PTPRG: variants seen among roughly 807,000 people sequenced by gnomAD.
The protein encoded by PTPRG is protein tyrosine phosphatase receptor type G.
Under a neutral mutation model 165.3 loss-of-function variants are expected in PTPRG, and 102 were observed. That is an observed-to-expected ratio of 0.62 (90% CI 0.53 to 0.73). The LOEUF is 0.73. Among genes scored for constraint, PTPRG ranks in the 30% least tolerant of loss-of-function variants. The pLI, the probability that PTPRG is intolerant of heterozygous loss-of-function variation, is 0.00. For missense variants in PTPRG, 1,866 were observed against 1,861.4 expected, an observed-to-expected ratio of 1.00 and a Z score of -0.05; for synonymous variants, 675 against 669.5, an observed-to-expected ratio of 1.01 and a Z score of -0.13.
chr3:61,693,354 C>T (rs1025641078), intron 1 of PTPRG, among the ~76,000 whole-genome samples: 1 of 152,136 alleles, frequency 6.6e-6, no homozygotes, highest in Non-Finnish European at 1.5e-5. Context: ...ATGAGGTGTC[C>T]GTGAACTTGG....
chr3:61,572,269 A>C (rs1269879081), intron 1 of PTPRG, among the ~76,000 whole-genome samples: 2 of 152,176 alleles, frequency 1.3e-5, no homozygotes, highest in Non-Finnish European at 2.9e-5. Context: ...TTAAACATGA[A>C]ACCTTATTTC....
In PTPRG at chr3:62,296,009, C is replaced by T. The variant is rs1703048221; in HGVS notation, c.*2702C>T. The T allele has an allele frequency of 6.6e-6, 1 of 151,952 alleles. No homozygotes were observed. The highest frequency in any genetic ancestry group is 2.4e-5 in the African/African-American group (1 of 41,394). 9.4% of individuals were successfully genotyped at this position (151,952 alleles called of 1,614,324 possible). On this transcript the variant is annotated 3_prime_UTR_variant, in exon 30 of 30. Transcript: ENST00000474889. ...AATGTGTGCAACTTAATAAAATAAG[C>T]TGTTTGTGTATATGAATTTAGCTCT...
chr3:62,260,196 C>G (rs1254971537), intron 16 of PTPRG, among the ~76,000 whole-genome samples: 1 of 152,140 alleles, frequency 6.6e-6, no homozygotes, highest in African/African-American at 2.4e-5. Context: ...TTGTAGGCTG[C>G]CTGAACTCAG....
intron 2 of PTPRG, among the ~76,000 whole-genome samples, chr3:61,824,747 T>G (rs1657870833): frequency 6.6e-6 from 1 of 152,166 alleles, no homozygotes; most frequent in Non-Finnish European, 1.5e-5. Context: ...GCTGTGACCT[T>G]GCCATTGTAC....
At chr3:62,184,011 A>G in intron 8 of PTPRG, among the ~76,000 whole-genome samples, 1 of 152,212 alleles carries the variant, frequency 6.6e-6, no homozygotes, top group East Asian at 1.9e-4. Flanking sequence ...ACTCTGGTTC[A>G]GACTCAGGCA....
chr3:61,857,561 A>G (rs887033806), intron 2 of PTPRG, among the ~76,000 whole-genome samples: 11 of 152,144 alleles, frequency 7.2e-5, no homozygotes, highest in African/African-American at 2.7e-4. Context: ...TGACTCGATA[A>G]TTATTTTATT....
intron 2 of PTPRG, among the ~76,000 whole-genome samples, chr3:61,957,910 C>T (rs2040069778): frequency 6.6e-6 from 1 of 152,176 alleles, no homozygotes; most frequent in Non-Finnish European, 1.5e-5. Context: ...AAGCAGATGT[C>T]TGTATCCACT....
intron 1 of PTPRG, among the ~76,000 whole-genome samples, chr3:61,717,918 C>T (rs1341383214): frequency 6.6e-6 from 1 of 151,988 alleles, no homozygotes; most frequent in African/African-American, 2.4e-5. Flanking sequence ...TGGTGGCTCA[C>T]ACCTATAATC....
intron 1 of PTPRG, among the ~76,000 whole-genome samples, chr3:61,701,556 G>T (rs939606443): frequency 6.6e-6 from 1 of 152,186 alleles, no homozygotes; most frequent in Non-Finnish European, 1.5e-5. Flanking sequence ...ATGAAAAGAA[G>T]TGAGTGCAGA....
intron 1 of PTPRG, among the ~76,000 whole-genome samples, chr3:61,653,987 A>C (rs914269082): frequency 6.6e-6 from 1 of 152,084 alleles, no homozygotes; most frequent in African/African-American, 2.4e-5. Flanking sequence ...TTTTTCATGG[A>C]TGGCTCCAGG....
At chr3:62,081,062 C>T (rs1701555407) in intron 5 of PTPRG, among the ~76,000 whole-genome samples, 1 of 151,628 alleles carries the variant, frequency 6.6e-6, no homozygotes, top group Non-Finnish European at 1.5e-5. Context: ...TCGAGACCAT[C>T]CTGGCTAACA....
chr3:62,123,168 C>G (rs9883873), intron 5 of PTPRG, among the ~76,000 whole-genome samples: 3 of 152,088 alleles, frequency 2.0e-5, no homozygotes, highest in Non-Finnish European at 2.9e-5. Flanking sequence ...TGATCTCATC[C>G]GAAAGTTCAA....
chr3:61,825,217 C>G (rs1333332865), intron 2 of PTPRG, among the ~76,000 whole-genome samples: 1 of 152,188 alleles, frequency 6.6e-6, no homozygotes, highest in Admixed American at 6.5e-5. Flanking sequence ...ATTCATGTGT[C>G]TCAACACTTT....
At chr3:61,814,837 T>G (rs2035706152) in intron 2 of PTPRG, among the ~76,000 whole-genome samples, 2 of 151,648 alleles carry the variant, frequency 1.3e-5, no homozygotes, top group African/African-American at 4.8e-5. Context: ...AGCATATTGT[T>G]AAGTGATTTG....
intron 2 of PTPRG, among the ~76,000 whole-genome samples, chr3:61,907,221 C>G (rs184443436): frequency 6.6e-6 from 1 of 152,050 alleles, no homozygotes; most frequent in African/African-American, 2.4e-5. Flanking sequence ...TTCTTAATGC[C>G]TGGTTTATAC....
At chr3:61,976,683 A>C (rs528005674) in intron 2 of PTPRG, among the ~76,000 whole-genome samples, 2 of 151,264 alleles carry the variant, frequency 1.3e-5, no homozygotes, top group East Asian at 3.9e-4. Flanking sequence ...TTTTTAAAAA[A>C]TTTTTTTTTG....
At chr3:61,599,536 A>G (rs1700790456) in intron 1 of PTPRG, among the ~76,000 whole-genome samples, 1 of 152,120 alleles carries the variant, frequency 6.6e-6, no homozygotes, top group Admixed American at 6.6e-5. Flanking sequence ...TCTGTCGTCC[A>G]GGCTGAAGTG....
rs928963866 is a variant in PTPRG at position 61,573,912 on chromosome 3, G to A, written c.85+11540G>A. Among the ~76,000 whole-genome samples, 13 of 152,070 alleles carry A rather than the reference G, an allele frequency of 8.5e-5. No homozygotes were observed. The East Asian group carries it at 9.6e-4, about 11-fold the overall frequency. ...ATCTTTAAAAAGAGAAGCTAAATTCGTACCTTCTGTTGGCTGCTAAGGTAT... is the reference window on the plus strand; with the variant it reads ...ATCTTTAAAAAGAGAAGCTAAATTCATACCTTCTGTTGGCTGCTAAGGTAT... On this transcript the variant is annotated intron_variant, in intron 1 of 29. Coordinates refer to ENST00000474889, the MANE Select transcript of PTPRG (RefSeq NM_002841.4).
At position 62,233,831 on chromosome 3, in the gene PTPRG, A is replaced by C. The variant is rs951534060; in HGVS notation, c.2375+2520A>C. Among the ~76,000 whole-genome samples, 3 of 152,248 alleles carry C rather than the reference A, an allele frequency of 2.0e-5. No individual in the cohort carries two copies. The highest frequency in any genetic ancestry group is 7.2e-5 in the African/African-American group (3 of 41,468). ...AGAAAGGAGAGGAAAAAAACATTGA[A>C]GATCAGACCCAAGTATTTAATTTTT... On this transcript the variant is annotated intron_variant, in intron 14 of 29. Coordinates refer to ENST00000474889, the MANE Select transcript of PTPRG (RefSeq NM_002841.4). The surrounding 1 kb of genome is among the most constrained non-coding windows in gnomAD (Gnocchi z 4.7).
Sources: allele counts gnomAD v4.1 joint callset (sites outside exome capture counted in the v4.1 genomes callset), GRCh38; gene constraint gnomAD v4.1.1; non-coding constraint Gnocchi (gnomAD v3.1); transcripts MANE v1.5; gene names NCBI Gene and HGNC (gene_info 2026-07-23, HGNC 2026-07-21).